IL2RA: variants seen among roughly 807,000 people sequenced by gnomAD.
The protein encoded by IL2RA is interleukin-2 receptor subunit alpha.
IL2RA carries 24 observed loss-of-function variants against 37.8 expected under a neutral mutation model. The ratio of observed to expected loss-of-function variants is 0.63; its 90% CI spans 0.46 to 0.89. The LOEUF is 0.89. IL2RA is among the 40% of genes least tolerant of loss of function. The probability of loss-of-function intolerance (pLI) is 0.00; values close to 1 mark genes in which losing one functional copy is unlikely to be tolerated. For synonymous variants in IL2RA, 125 were observed against 114.6 expected (o/e 1.09, Z -0.58); for missense variants, 319 against 348.6 (o/e 0.92, Z 0.68).
rs942199 is a variant in IL2RA, at chr10:6,021,420, T to C, written c.583+58A>G. ...CAGCAGGAGTGGTCAGGGATTCCAC[T>C]CTGGTCAGCCTGATGGAGCAAAGCA... On this transcript the variant is annotated intron_variant, in intron 4 of 7. Transcript: ENST00000379959. This position sits in a 1 kb window ranked among gnomAD's most constrained non-coding sequence, Gnocchi z 4.9. 1,409,044 of 1,418,186 alleles carry C rather than the reference T, an allele frequency of 0.99. 700,404 individuals carry two copies. Among genetic ancestry groups the C allele is most frequent in the East Asian group, 1 (43,916 of 43,916 alleles). 87.9% of individuals were successfully genotyped at this position (1,418,186 alleles called of 1,614,324 possible).
In IL2RA at chr10:6,010,896, T is replaced by C. The variant is rs1039025708; in HGVS notation, c.*1976A>G. ...TTATAGACCCCTCAACACCCAAAAG[T>C]CGTAATCAGTTCTACTCAAGTAAGA... On this transcript the variant is annotated 3_prime_UTR_variant, in exon 8 of 8. Transcript: ENST00000379959. 6.6e-5 allele frequency: 10 copies of C among 152,360 alleles called. No individual in the cohort carries two copies. Among genetic ancestry groups the C allele is most frequent in the African/African-American group, 2.4e-4 (10 of 41,528 alleles). 9.4% of individuals were successfully genotyped at this position (152,360 alleles called of 1,614,324 possible). A position where few individuals can be genotyped will look rare whatever the true frequency, so the allele number is the denominator to read the frequency against.
At chr10:6,041,143 A>T (rs1264387569) in intron 1 of IL2RA, among the ~76,000 whole-genome samples, 1 of 122,678 alleles carries the variant, frequency 8.2e-6, no homozygotes, top group African/African-American at 3.1e-5. Context: ...TTTGAGACGG[A>T]GTCTCGCTTT....
intron 1 of IL2RA, among the ~76,000 whole-genome samples, chr10:6,041,940 C>T (rs1324997202): frequency 6.6e-6 from 1 of 151,588 alleles, no homozygotes; most frequent in Non-Finnish European, 1.5e-5. Context: ...TATAAGAAAG[C>T]TCCATAGCTA....
intron 1 of IL2RA, among the ~76,000 whole-genome samples, chr10:6,052,690 T>A (rs1026506067): frequency 6.6e-6 from 1 of 152,266 alleles, no homozygotes; most frequent in South Asian, 2.1e-4. Context: ...CTTTGTTTTT[T>A]TATTGCTGAG....
chr10:6,052,985 T>G (rs1839989101), intron 1 of IL2RA, among the ~76,000 whole-genome samples: 1 of 152,212 alleles, frequency 6.6e-6, no homozygotes, highest in Non-Finnish European at 1.5e-5. Flanking sequence ...TAAGCCATCC[T>G]GCAGGAGGCC....
At chr10:6,026,459 G>A (rs12722567) in intron 1 of IL2RA, among the ~76,000 whole-genome samples, 2,381 of 152,282 alleles carry the variant, frequency 0.016, 35 homozygotes, top group South Asian at 0.028. Context: ...ATGACTGTGC[G>A]CCATTTTTTG....
chr10:6,060,049 C>T (rs12722489), intron 1 of IL2RA, among the ~76,000 whole-genome samples: 16,152 of 152,076 alleles, frequency 0.11, 1,103 homozygotes, highest in Non-Finnish European at 0.16. Flanking sequence ...ACCACTCAGA[C>T]CCTTGGATAA....
chr10:6,021,444 C>A lies in IL2RA; in HGVS notation c.583+34G>T. The A allele has an allele frequency of 1.9e-6, 3 of 1,572,690 alleles. No homozygotes were observed. Among genetic ancestry groups the A allele is most frequent in the Non-Finnish European group, 2.6e-6 (3 of 1,143,700 alleles). On this transcript the variant is annotated intron_variant, in intron 4 of 7. Coordinates refer to ENST00000379959, the MANE Select transcript of IL2RA (RefSeq NM_000417.3). The surrounding 1 kb of genome is among the most constrained non-coding windows in gnomAD (Gnocchi z 4.9). Reference sequence around the variant, plus strand: ...CTCTGGTCAGCCTGATGGAGCAAAGCAACATTGTGGACCCCAGAAGGGAGC... The same window carrying A: ...CTCTGGTCAGCCTGATGGAGCAAAGAAACATTGTGGACCCCAGAAGGGAGC...
rs905907062 is a variant in IL2RA at position 6,047,393 on chromosome 10, C to T, written c.64+14695G>A. ...TGTCACCTGGGGGCCTCAGAAGCCACGGCACCAGAGGAGAGCTCAGGAGTC... is the reference window on the plus strand; with the variant it reads ...TGTCACCTGGGGGCCTCAGAAGCCATGGCACCAGAGGAGAGCTCAGGAGTC... On this transcript the variant is annotated intron_variant, in intron 1 of 7. Coordinates refer to ENST00000379959, the MANE Select transcript of IL2RA (RefSeq NM_000417.3). This position sits in a 1 kb window ranked among gnomAD's most constrained non-coding sequence, Gnocchi z 5.0. 1.3e-5 allele frequency among the ~76,000 whole-genome samples: 2 copies of T among 152,194 alleles called. No individual in the cohort carries two copies. The highest frequency in any genetic ancestry group is 2.4e-5 in the African/African-American group (1 of 41,450).
chr10:6,031,494 GTATATATATATATATA>G (rs61619651), intron 1 of IL2RA, among the ~76,000 whole-genome samples: 6 of 27,474 alleles, frequency 2.2e-4, no homozygotes, highest in African/African-American at 4.2e-4. Flanking sequence ...ATATATATAT[GTATATATATATATATA>G]TGTATATATA....
chr10:6,060,271 G>T (rs907561499), intron 1 of IL2RA, among the ~76,000 whole-genome samples: 1 of 152,142 alleles, frequency 6.6e-6, no homozygotes, highest in Non-Finnish European at 1.5e-5. Context: ...GAAAGGGTGC[G>T]AGGTGGGTGA....
At position 6,022,048 on chromosome 10, in the gene IL2RA, T is replaced by A. The variant is rs1839397016; in HGVS notation, c.368-355A>T. Reference sequence around the variant, plus strand: ...ACTGCCTCTTGGAAGACAGTGCAGGTGTTGACAGTGGACAGGAGTGGGCGG... The same window carrying A: ...ACTGCCTCTTGGAAGACAGTGCAGGAGTTGACAGTGGACAGGAGTGGGCGG... On this transcript the variant is annotated intron_variant, in intron 3 of 7. Coordinates refer to ENST00000379959, the MANE Select transcript of IL2RA (RefSeq NM_000417.3). The surrounding 1 kb of genome is among the most constrained non-coding windows in gnomAD (Gnocchi z 4.7). Among the ~76,000 whole-genome samples, 1 of 150,800 alleles carries A rather than the reference T, an allele frequency of 6.6e-6. No individual in the cohort carries two copies. The highest frequency in any genetic ancestry group is 2.4e-5 in the African/African-American group (1 of 40,890).
In IL2RA at chr10:6,029,022, C is replaced by T. The variant is rs1406593898; in HGVS notation, c.65-2997G>A. Among the ~76,000 whole-genome samples, 4 of 151,070 alleles carry T rather than the reference C, an allele frequency of 2.6e-5. No individual in the cohort carries two copies. Among genetic ancestry groups the T allele is most frequent in the Non-Finnish European group, 5.9e-5 (4 of 67,886 alleles). On this transcript the variant is annotated intron_variant, in intron 1 of 7. Transcript: ENST00000379959. This position sits in a 1 kb window ranked among gnomAD's most constrained non-coding sequence, Gnocchi z 4.6. ...AAAAAAAAAAGACCCCTAAAATGAC[C>T]TAGATTTTGGAATTAGCACAAAAGG...
chr10:6,030,268 C>T (rs1398312511), intron 1 of IL2RA, among the ~76,000 whole-genome samples: 1 of 152,064 alleles, frequency 6.6e-6, no homozygotes. Flanking sequence ...AATTTGATGA[C>T]AGATACTGAT....
At position 6,054,352 on chromosome 10, in the gene IL2RA, C is replaced by G. The variant is rs1840009841; in HGVS notation, c.64+7736G>C. On this transcript the variant is annotated intron_variant, in intron 1 of 7. Coordinates refer to ENST00000379959, the MANE Select transcript of IL2RA (RefSeq NM_000417.3). The surrounding 1 kb of genome is among the most constrained non-coding windows in gnomAD (Gnocchi z 4.5). ...GACCCAGGAACTCTTTGGCTGCCAT[C>G]CAGGGTCATGTGGTGCTGGTGATAA... Among the ~76,000 whole-genome samples, 1 of 152,154 alleles carries G rather than the reference C, an allele frequency of 6.6e-6. No individual in the cohort carries two copies. Among genetic ancestry groups the G allele is most frequent in the Non-Finnish European group, 1.5e-5 (1 of 68,026 alleles).
chr10:6,042,181 A>G (rs914050798), intron 1 of IL2RA, among the ~76,000 whole-genome samples: 3 of 147,554 alleles, frequency 2.0e-5, no homozygotes, highest in Admixed American at 1.4e-4. Flanking sequence ...CTGATCAGTC[A>G]GAGTTTATCC....
intron 1 of IL2RA, among the ~76,000 whole-genome samples, chr10:6,031,619 A>G (rs1480623964): frequency 1.3e-5 from 2 of 150,470 alleles, no homozygotes; most frequent in Non-Finnish European, 1.5e-5. Flanking sequence ...ACATCAAAAA[A>G]CATAAAATGT....
At chr10:6,034,164 G>A (rs1018719209) in intron 1 of IL2RA, among the ~76,000 whole-genome samples, 3 of 152,202 alleles carry the variant, frequency 2.0e-5, no homozygotes, top group Non-Finnish European at 4.4e-5. Flanking sequence ...AAATTAGCCC[G>A]AGTGTCTGAA....
At chr10:6,023,471 G>A (rs1839422232) in intron 3 of IL2RA, among the ~76,000 whole-genome samples, 1 of 152,174 alleles carries the variant, frequency 6.6e-6, no homozygotes, top group Admixed American at 6.5e-5. Context: ...GAGTAGCTGG[G>A]ACTACAGGCA....
Sources: allele counts gnomAD v4.1 joint callset (sites outside exome capture counted in the v4.1 genomes callset), GRCh38; gene constraint gnomAD v4.1.1; non-coding constraint Gnocchi (gnomAD v3.1); transcripts MANE v1.5; gene names NCBI Gene and HGNC (gene_info 2026-07-23, HGNC 2026-07-21).